The following SAMMSON variants were observed in gnomAD, a reference collection of about 807,000 sequenced individuals.
SAMMSON encodes long intergenic non-protein coding RNA 1212.
intron 4 of SAMMSON, among the ~76,000 whole-genome samples, chr3:70,098,493 G>A (rs1480348144): frequency 6.6e-6 from 1 of 151,750 alleles, no homozygotes; most frequent in African/African-American, 2.4e-5. Context: ...TCAGCCTCCC[G>A]AGTAGTTGGG....
chr3:70,095,685 T>G (rs2067320640), intron 4 of SAMMSON, among the ~76,000 whole-genome samples: 1 of 152,184 alleles, frequency 6.6e-6, no homozygotes, highest in Non-Finnish European at 1.5e-5. Context: ...GTAATGGTTC[T>G]TAGGAGTTGT....
chr3:70,119,253 G>C (rs977969059), intron 4 of SAMMSON, among the ~76,000 whole-genome samples: 27 of 152,132 alleles, frequency 1.8e-4, no homozygotes, highest in Non-Finnish European at 7.4e-5. Context: ...TTTTAGTAGA[G>C]ACAGGGTTTC....
At chr3:70,017,249 T>C (rs1312389785) in intron 3 of SAMMSON, among the ~76,000 whole-genome samples, 3 of 152,122 alleles carry the variant, frequency 2.0e-5, no homozygotes, top group African/African-American at 4.8e-5. Context: ...TGTTTGTATC[T>C]TCTTTTCTTT....
intron 4 of SAMMSON, among the ~76,000 whole-genome samples, chr3:70,124,745 G>A (rs2067448661): frequency 6.8e-6 from 1 of 146,690 alleles, no homozygotes; most frequent in Admixed American, 7.0e-5. Context: ...AACCCGGGAG[G>A]CAGAGCTTGC....
intron 7 of SAMMSON, among the ~76,000 whole-genome samples, chr3:70,343,812 G>T (rs538010576): frequency 1.3e-5 from 2 of 151,270 alleles, no homozygotes; most frequent in Non-Finnish European, 2.9e-5. Flanking sequence ...CTGTACATAG[G>T]ATTTGTTCTT....
chr3:70,038,745 C>T (rs536469698), intron 3 of SAMMSON, among the ~76,000 whole-genome samples: 1 of 152,132 alleles, frequency 6.6e-6, no homozygotes, highest in Non-Finnish European at 1.5e-5. Flanking sequence ...GGGAGCCCCA[C>T]AGTCAGATGA....
chr3:70,149,910 C>T (rs769847556), intron 4 of SAMMSON, among the ~76,000 whole-genome samples: 1 of 152,068 alleles, frequency 6.6e-6, no homozygotes, highest in Non-Finnish European at 1.5e-5. Context: ...CTCTTCAGCT[C>T]TTATGTGATT....
chr3:70,197,734 C>T (rs1701195967), intron 4 of SAMMSON, among the ~76,000 whole-genome samples: 2 of 152,192 alleles, frequency 1.3e-5, no homozygotes, highest in South Asian at 2.1e-4. Context: ...AAAATAATCA[C>T]AGCTTTTGGG....
At chr3:70,065,540 T>A (rs2067206446) in intron 3 of SAMMSON, among the ~76,000 whole-genome samples, 1 of 151,686 alleles carries the variant, frequency 6.6e-6, no homozygotes, top group South Asian at 2.1e-4. Context: ...GAAAAAAAAA[T>A]GTGAGAAATC....
chr3:70,356,181 C>A (rs1575632586), intron 8 of SAMMSON, among the ~76,000 whole-genome samples: 1 of 152,144 alleles, frequency 6.6e-6, no homozygotes, highest in Admixed American at 6.5e-5. Context: ...TGTTCCCCTT[C>A]ATTAACTTTT....
At chr3:70,238,070 T>C (rs1295775785) in intron 4 of SAMMSON, among the ~76,000 whole-genome samples, 1 of 141,050 alleles carries the variant, frequency 7.1e-6, no homozygotes, top group African/African-American at 2.6e-5. Context: ...CTATTCTTTA[T>C]ACCTTGAGTG....
At chr3:70,276,741 C>A (rs1041106458) in intron 6 of SAMMSON, among the ~76,000 whole-genome samples, 7 of 152,200 alleles carry the variant, frequency 4.6e-5, no homozygotes, top group African/African-American at 1.7e-4. Context: ...TATGTATTAT[C>A]TGTGTTTTCA....
chr3:70,086,226 T>C (rs777460136), intron 4 of SAMMSON, among the ~76,000 whole-genome samples: 14 of 152,168 alleles, frequency 9.2e-5, no homozygotes, highest in Non-Finnish European at 1.5e-4. Context: ...CCTTCTCTCT[T>C]CTCACATCAC....
At chr3:70,334,750 C>G (rs1702649125) in intron 7 of SAMMSON, among the ~76,000 whole-genome samples, 1 of 152,018 alleles carries the variant, frequency 6.6e-6, no homozygotes, top group African/African-American at 2.4e-5. Context: ...TTGCCCAGAG[C>G]TATGTTGCTA....
intron 4 of SAMMSON, among the ~76,000 whole-genome samples, chr3:70,139,307 G>T (rs1030260483): frequency 1.3e-5 from 2 of 152,112 alleles, no homozygotes; most frequent in Non-Finnish European, 2.9e-5. Context: ...AAGGTGCTGG[G>T]ATTATAGGTA....
At chr3:70,208,723 G>T (rs1023202283) in intron 4 of SAMMSON, among the ~76,000 whole-genome samples, 2 of 152,044 alleles carry the variant, frequency 1.3e-5, no homozygotes, top group Admixed American at 6.6e-5. Context: ...TCTTAAGATG[G>T]TTGCTTTCCA....
chr3:70,358,941 CTCTTA>C (rs1254116832), intron 9 of SAMMSON, among the ~76,000 whole-genome samples: 3 of 151,984 alleles, frequency 2.0e-5, no homozygotes, highest in Admixed American at 6.6e-5. Flanking sequence ...AATATCTTGT[CTCTTA>C]TCTTGTGCAC....
chr3:70,420,059 T>C (rs1360826027), intron 2 of SAMMSON, among the ~76,000 whole-genome samples: 1 of 152,222 alleles, frequency 6.6e-6, no homozygotes, highest in Non-Finnish European at 1.5e-5. Context: ...AAGAGAGGCA[T>C]GGACTGTGTG....
chr3:70,353,229 T>A (rs1225490360), intron 7 of SAMMSON, among the ~76,000 whole-genome samples: 1 of 151,964 alleles, frequency 6.6e-6, no homozygotes, highest in Non-Finnish European at 1.5e-5. Flanking sequence ...CTGTTCTCTG[T>A]AAAATAATAA....
Sources: gnomAD v4.1 joint callset for allele counts (sites outside exome capture counted in the v4.1 genomes callset) on GRCh38, gnomAD v4.1.1 for gene constraint, MANE v1.5 for transcripts, NCBI Gene and HGNC (gene_info 2026-07-23, HGNC 2026-07-21) for gene names.